ST18: variants seen among roughly 807,000 people sequenced by gnomAD.
ST18 encodes suppression of tumorigenicity 18 protein.
ST18 carries 50 observed loss-of-function variants against 110.0 expected under a neutral mutation model. The observed-to-expected ratio is 0.45, with a 90% confidence interval of 0.36 to 0.58. The LOEUF (loss-of-function observed/expected upper bound fraction) is 0.58, where lower values mean the gene tolerates loss of function less well. Ranked by LOEUF, ST18 falls within the 20% of genes least tolerant of loss-of-function variation. ST18 has a pLI of 0.00. For synonymous variants in ST18, 461 were observed against 452.4 expected (o/e 1.02, Z -0.24); for missense variants, 1,306 against 1,280.1 (o/e 1.02, Z -0.31).
intron 9 of ST18, among the ~76,000 whole-genome samples, chr8:52,176,865 T>C (rs1415364579): frequency 6.6e-6 from 1 of 152,224 alleles, no homozygotes; most frequent in Non-Finnish European, 1.5e-5. Context: ...TAGGTTACTT[T>C]TATAGGTAAA....
intron 8 of ST18, among the ~76,000 whole-genome samples, chr8:52,191,102 A>G (rs1363911801): frequency 6.6e-6 from 1 of 152,224 alleles, no homozygotes; most frequent in Non-Finnish European, 1.5e-5. Flanking sequence ...TTTTGGCTGC[A>G]TAGCAAGTCC....
chr8:52,247,481 A>G (rs1283549889), intron 2 of ST18, among the ~76,000 whole-genome samples: 3 of 152,170 alleles, frequency 2.0e-5, no homozygotes, highest in Admixed American at 2.0e-4. Context: ...AACGAACTTC[A>G]GTCAAGTTTG....
chr8:52,148,406 G>C (rs2057934226), intron 16 of ST18, among the ~76,000 whole-genome samples: 1 of 152,130 alleles, frequency 6.6e-6, no homozygotes, highest in African/African-American at 2.4e-5. Context: ...GGCTGCCTCA[G>C]ATGCTGAGGA....
chr8:52,154,955 A>G (rs1302663109), intron 15 of ST18: 1 of 152,092 alleles, frequency 6.6e-6, no homozygotes, highest in African/African-American at 2.4e-5. Flanking sequence ...TAATCCCAGC[A>G]CTTTGGGAGG....
chr8:52,240,988 G>A (rs530544070), intron 2 of ST18, among the ~76,000 whole-genome samples: 1 of 152,182 alleles, frequency 6.6e-6, no homozygotes, highest in African/African-American at 2.4e-5. Flanking sequence ...GTACAAGAAA[G>A]GACCCATTAT....
At chr8:52,378,386 A>G (rs1833213583) in intron 2 of ST18, among the ~76,000 whole-genome samples, 3 of 152,210 alleles carry the variant, frequency 2.0e-5, no homozygotes, top group Admixed American at 2.0e-4. Flanking sequence ...TAAGGTATCT[A>G]TAATAATTAA....
intron 2 of ST18, among the ~76,000 whole-genome samples, chr8:52,309,079 AATAGAGACCTT>A (rs2095858700): frequency 6.6e-6 from 1 of 152,212 alleles, no homozygotes; most frequent in Admixed American, 6.5e-5. Context: ...TAAAGATTGA[AATAGAGACCTT>A]ATATAAGGGT....
intron 16 of ST18, among the ~76,000 whole-genome samples, chr8:52,148,997 G>C (rs1261735104): frequency 6.6e-6 from 1 of 152,112 alleles, no homozygotes; most frequent in Non-Finnish European, 1.5e-5. Flanking sequence ...AATAATTAAG[G>C]CCACATCTGC....
chr8:52,327,993 A>T (rs972508100), intron 2 of ST18, among the ~76,000 whole-genome samples: 1 of 152,198 alleles, frequency 6.6e-6, no homozygotes, highest in Non-Finnish European at 1.5e-5. Flanking sequence ...CTGATATCCC[A>T]TCTGGAAAAT....
intron 2 of ST18, among the ~76,000 whole-genome samples, chr8:52,274,646 C>T (rs1016576034): frequency 6.6e-6 from 1 of 152,188 alleles, no homozygotes; most frequent in Non-Finnish European, 1.5e-5. Context: ...CATGCATGCA[C>T]TGACTTGTTT....
intron 8 of ST18, among the ~76,000 whole-genome samples, chr8:52,196,719 T>C (rs530967079): frequency 6.6e-6 from 1 of 152,332 alleles, no homozygotes; most frequent in East Asian, 1.9e-4. Flanking sequence ...GGTATGTATG[T>C]ATAGGAAAAA....
intron 8 of ST18, among the ~76,000 whole-genome samples, chr8:52,188,476 A>G (rs2073237729): frequency 6.6e-6 from 1 of 152,228 alleles, no homozygotes; most frequent in Non-Finnish European, 1.5e-5. Flanking sequence ...GAGGAATAAT[A>G]GGAGATGAGG....
intron 10 of ST18, among the ~76,000 whole-genome samples, chr8:52,170,624 A>G (rs964267957): frequency 4.0e-4 from 61 of 152,242 alleles, no homozygotes; most frequent in African/African-American, 1.3e-3. Flanking sequence ...GTTAAATACA[A>G]TAAGTTGCAC....
intron 16 of ST18, among the ~76,000 whole-genome samples, chr8:52,147,554 T>G (rs538632295): frequency 3.7e-4 from 57 of 152,228 alleles, no homozygotes; most frequent in African/African-American, 1.3e-3. Context: ...GCCTGACAAT[T>G]TCTGGTGAAT....
chr8:52,351,905 G>A (rs2140324871), intron 2 of ST18, among the ~76,000 whole-genome samples: 1 of 152,314 alleles, frequency 6.6e-6, no homozygotes. Context: ...CAGAGTCTGA[G>A]AAGCGTACTT....
At chr8:52,276,400 T>C (rs78676442) in intron 2 of ST18, among the ~76,000 whole-genome samples, 6,763 of 139,254 alleles carry the variant, frequency 0.049, 525 homozygotes, top group African/African-American at 0.17. Context: ...TACGTTCACA[T>C]ACACACACCA....
At chr8:52,228,829 T>G (rs1371295870) in intron 3 of ST18, among the ~76,000 whole-genome samples, 2 of 151,952 alleles carry the variant, frequency 1.3e-5, no homozygotes, top group Non-Finnish European at 2.9e-5. Context: ...GACTGTCAGG[T>G]CTCTGCAGCA....
intron 8 of ST18, among the ~76,000 whole-genome samples, chr8:52,188,959 G>C (rs7011912): frequency 6.6e-6 from 1 of 151,946 alleles, no homozygotes; most frequent in Admixed American, 6.6e-5. Flanking sequence ...ACTGGAGCAC[G>C]TTAAACTTGC....
At chr8:52,187,419 A>G (rs946269013) in intron 8 of ST18, among the ~76,000 whole-genome samples, 1 of 152,236 alleles carries the variant, frequency 6.6e-6, no homozygotes. Flanking sequence ...CAATTATTTA[A>G]TACTGTCCTT....
Sources: allele counts gnomAD v4.1 joint callset (sites outside exome capture counted in the v4.1 genomes callset), GRCh38; gene constraint gnomAD v4.1.1; transcripts MANE v1.5; gene names NCBI Gene and HGNC (gene_info 2026-07-23, HGNC 2026-07-21).